BEST3: variants seen among roughly 807,000 people sequenced by gnomAD.
BEST3 encodes the protein bestrophin 3, also known as bestrophin-3.
In BEST3, 50 loss-of-function variants were observed where a neutral mutation model predicts 47.1. That is an observed-to-expected ratio of 1.06 (90% CI 0.85 to 1.34). BEST3 has a LOEUF of 1.34. BEST3 is among the 40% of genes most tolerant of loss of function. BEST3 has a pLI of 0.00. For missense variants in BEST3, 765 were observed against 817.0 expected (o/e 0.94, Z 0.78); for synonymous variants, 282 against 298.8 (o/e 0.94, Z 0.58).
At chr12:69,693,589 A>G (rs1886012273) in intron 4 of BEST3, 85 bp downstream of exon 4, 2 of 1,163,824 alleles carry the variant, frequency 1.7e-6, no homozygotes, top group African/African-American at 1.5e-5. Context: ...GAGTGAATAA[A>G]CAAACATAAA....
rs1169804080 is a variant in BEST3, at chr12:69,654,476, C to A, written c.*431G>T. ...AGGCATTAGGTGATCCATCTCCTTTCTTTATGGCTAAAGAAAAAAAGAAAG... is the reference window on the plus strand; with the variant it reads ...AGGCATTAGGTGATCCATCTCCTTTATTTATGGCTAAAGAAAAAAAGAAAG... On this transcript the variant is annotated 3_prime_UTR_variant, in exon 10 of 10. Transcript: ENST00000330891. The A allele has an allele frequency of 2.0e-6, 2 of 987,976 alleles. No individual in the cohort carries two copies. The highest frequency in any genetic ancestry group is 6.0e-5 in the Admixed American group (1 of 16,704). 61.2% of individuals were successfully genotyped at this position (987,976 alleles called of 1,614,324 possible). A position where few individuals can be genotyped will look rare whatever the true frequency, so the allele number is the denominator to read the frequency against.
chr12:69,662,520 C>T (rs945374834), intron 9 of BEST3, among the ~76,000 whole-genome samples: 1 of 152,094 alleles, frequency 6.6e-6, no homozygotes, highest in African/African-American at 2.4e-5. Flanking sequence ...ATATTTTGTG[C>T]ACATTAAGTA....
chr12:69,649,120 A>G (rs970277895), downstream of BEST3, among the ~76,000 whole-genome samples: 1 of 152,168 alleles, frequency 6.6e-6, no homozygotes, highest in Non-Finnish European at 1.5e-5. Flanking sequence ...TCAGCCTCCC[A>G]AGAGCTGGGA....
intron 1 of BEST3, 22 bp from the exon 2 acceptor site, chr12:69,697,835 A>T (rs1408677454): frequency 3.2e-6 from 5 of 1,581,400 alleles, no homozygotes; most frequent in Non-Finnish European, 4.3e-6. Context: ...AGAAGACAAA[A>T]CACAAGTAAA....
Position 69,665,147 on chromosome 12 carries a change from A to G in BEST3, c.1100+6281T>C, listed in dbSNP as rs11177786. Among the ~76,000 whole-genome samples, 175 of 105,868 alleles carry G rather than the reference A, an allele frequency of 1.7e-3. 5 individuals are homozygous for G. Among genetic ancestry groups the G allele is most frequent in the Non-Finnish European group, 2.7e-3 (117 of 43,146 alleles). 69.5% of individuals were successfully genotyped at this position (105,868 alleles called of 152,430 possible). ...CAAGTCACACAGTGGACAGCACTACAGCGAACACCAGAGGGAGTCTTAATG... is the reference window on the plus strand; with the variant it reads ...CAAGTCACACAGTGGACAGCACTACGGCGAACACCAGAGGGAGTCTTAATG... On this transcript the variant is annotated intron_variant, in intron 9 of 9. Transcript: ENST00000330891.
chr12:69,655,072 C>G lies in BEST3; in HGVS notation c.1842G>C (p.Gln614His), dbSNP rs1296566908. ...GNLSPDPMSS[Q>H]PALLIDTETS... ...TTTCTGTGTCAATTAAAAGAGCTGGCTGAGAGCTCATGGGGTCTGGACTTA... is the reference window on the plus strand; with the variant it reads ...TTTCTGTGTCAATTAAAAGAGCTGGGTGAGAGCTCATGGGGTCTGGACTTA... Residue 614 changes from glutamine (Q) to histidine (H), a missense_variant, in exon 10 of 10, where the codon CAG becomes CAC. Transcript: ENST00000330891. 16 of 1,614,174 alleles carry G rather than the reference C, an allele frequency of 9.9e-6. No individual in the cohort carries two copies. The highest frequency in any genetic ancestry group is 1.3e-5 in the Non-Finnish European group (15 of 1,180,032).
chr12:69,653,728 C>T lies in BEST3; in HGVS notation c.*1179G>A. On this transcript the variant is annotated 3_prime_UTR_variant, in exon 10 of 10. Coordinates refer to ENST00000330891, the MANE Select transcript of BEST3 (RefSeq NM_032735.3). Reference sequence around the variant, plus strand: ...GCACTTGGGAGCCCACGACAAACAGCTGTCCTGAGAGCTCCCTGGGAGGAG... The same window carrying T: ...GCACTTGGGAGCCCACGACAAACAGTTGTCCTGAGAGCTCCCTGGGAGGAG... The T allele has an allele frequency of 2.0e-6, 2 of 985,430 alleles. No homozygotes were observed. Among genetic ancestry groups the T allele is most frequent in the Middle Eastern group, 5.2e-4 (1 of 1,914 alleles). 61.0% of individuals were successfully genotyped at this position (985,430 alleles called of 1,614,324 possible). A position where few individuals can be genotyped will look rare whatever the true frequency, so the allele number is the denominator to read the frequency against.
intron 4 of BEST3, chr12:69,683,281 T>A (rs1329811905): frequency 6.6e-6 from 1 of 152,242 alleles, no homozygotes; most frequent in East Asian, 1.9e-4. Context: ...TGCTGGGTGC[T>A]GTGAAAGATG....
chr12:69,671,645 T>G, intron 8 of BEST3, 66 bp from the exon 9 acceptor site: 2 of 1,501,854 alleles, frequency 1.3e-6, no homozygotes, highest in Non-Finnish European at 1.8e-6. Context: ...GAAGTTTTTT[T>G]GGGCAGATGA....
chr12:69,653,732 C>T lies in BEST3; in HGVS notation c.*1175G>A. The T allele has an allele frequency of 2.0e-6, 2 of 985,422 alleles. No individual in the cohort carries two copies. Among genetic ancestry groups the T allele is most frequent in the Non-Finnish European group, 2.4e-6 (2 of 829,946 alleles). 61.0% of individuals were successfully genotyped at this position (985,422 alleles called of 1,614,324 possible). A position where few individuals can be genotyped will look rare whatever the true frequency, so the allele number is the denominator to read the frequency against. On this transcript the variant is annotated 3_prime_UTR_variant, in exon 10 of 10. Coordinates refer to ENST00000330891, the MANE Select transcript of BEST3 (RefSeq NM_032735.3). Reference sequence around the variant, plus strand: ...TTGGGAGCCCACGACAAACAGCTGTCCTGAGAGCTCCCTGGGAGGAGTACC... The same window carrying T: ...TTGGGAGCCCACGACAAACAGCTGTTCTGAGAGCTCCCTGGGAGGAGTACC...
At chr12:69,697,959 A>G in intron 1 of BEST3, 146 bp from the exon 2 acceptor site, 1 of 616,876 alleles carries the variant, frequency 1.6e-6, no homozygotes. Context: ...ATAATTCGGA[A>G]CTTTCAGATA....
intron 8 of BEST3, among the ~76,000 whole-genome samples, chr12:69,672,109 G>A (rs1350053648): frequency 2.0e-5 from 3 of 152,194 alleles, no homozygotes; most frequent in African/African-American, 7.2e-5. Context: ...TCTTGGCTTT[G>A]ACAAAGTGAT....
At position 69,654,269 on chromosome 12, in the gene BEST3, A is replaced by G. The variant is rs1883322213; in HGVS notation, c.*638T>C. ...CAACCAGGGAGAAGGGAAGGGAAAA[A>G]AAGGATGACAGAATAAAAGGAAAAG... is the stretch of plus-strand genomic sequence containing the variant. On this transcript the variant is annotated 3_prime_UTR_variant, in exon 10 of 10. Transcript: ENST00000330891. 1.0e-6 allele frequency: 1 copy of G among 985,034 alleles called. No individual in the cohort carries two copies. Among genetic ancestry groups the G allele is most frequent in the Admixed American group, 6.1e-5 (1 of 16,266 alleles). The allele number at this position is 985,034 out of a possible 1,614,324, so 61.0% of individuals were successfully genotyped here. A position where few individuals can be genotyped will look rare whatever the true frequency, so the allele number is the denominator to read the frequency against.
At chr12:69,680,587 G>A (rs1326015312) in intron 4 of BEST3, among the ~76,000 whole-genome samples, 4 of 152,170 alleles carry the variant, frequency 2.6e-5, no homozygotes, top group African/African-American at 7.2e-5. Context: ...GATTACAGGC[G>A]TGAGCCACCG....
At chr12:69,646,378 C>T (rs1294924088) in intron 9 of BEST3, among the ~76,000 whole-genome samples, 1 of 152,176 alleles carries the variant, frequency 6.6e-6, no homozygotes, top group Non-Finnish European at 1.5e-5. Flanking sequence ...GGTCTACTAA[C>T]TTTGGATCTA....
At chr12:69,659,011 C>G (rs561989145) in intron 9 of BEST3, among the ~76,000 whole-genome samples, 23 of 152,254 alleles carry the variant, frequency 1.5e-4, no homozygotes, top group African/African-American at 5.1e-4. Flanking sequence ...CAAAAAGCAA[C>G]GTTGATGACT....
chr12:69,683,772 C>A (rs1009602122), intron 4 of BEST3: 3 of 152,196 alleles, frequency 2.0e-5, no homozygotes, highest in Non-Finnish European at 2.9e-5. Flanking sequence ...GGGTGCACAT[C>A]CTCAACCTTG....
At chr12:69,687,806 C>T (rs1885717587) in intron 4 of BEST3, among the ~76,000 whole-genome samples, 1 of 152,024 alleles carries the variant, frequency 6.6e-6, no homozygotes, top group Non-Finnish European at 1.5e-5. Context: ...AATTGCAATG[C>T]AGAGATGTAA....
intron 4 of BEST3, 133 bp from the exon 5 acceptor site, chr12:69,679,026 A>C (rs1885085698): frequency 9.0e-6 from 7 of 778,112 alleles, no homozygotes; most frequent in Non-Finnish European, 1.0e-5. Flanking sequence ...TTCCTGTCTC[A>C]AGTAGTTTAT....
Sources: allele counts gnomAD v4.1 joint callset (sites outside exome capture counted in the v4.1 genomes callset), GRCh38; gene constraint gnomAD v4.1.1; transcripts MANE v1.5; gene names NCBI Gene and HGNC (gene_info 2026-07-23, HGNC 2026-07-21).